LRGUK: variants seen among roughly 807,000 people sequenced by gnomAD.
LRGUK encodes leucine rich repeats and guanylate kinase domain containing.
In LRGUK, 65 loss-of-function variants were observed where a neutral mutation model predicts 76.0. The ratio of observed to expected loss-of-function variants is 0.85; its 90% CI spans 0.70 to 1.05. LRGUK has a LOEUF of 1.05. Among genes scored for constraint, LRGUK ranks in the 50% least tolerant of loss-of-function variants. The pLI, the probability that LRGUK is intolerant of heterozygous loss-of-function variation, is 0.00. For missense variants in LRGUK, 758 were observed against 732.8 expected, an observed-to-expected ratio of 1.03 and a Z score of -0.40; for synonymous variants, 268 against 265.6, an observed-to-expected ratio of 1.01 and a Z score of -0.09.
chr7:134,190,797 C>T (rs1041903485), intron 11 of LRGUK, among the ~76,000 whole-genome samples: 1 of 97,254 alleles, frequency 1.0e-5, no homozygotes, highest in Non-Finnish European at 2.4e-5. Flanking sequence ...AATGCAGTGG[C>T]GAATAAGACA....
chr7:134,255,732 ATGTC>A (rs1487159796), intron 18 of LRGUK, among the ~76,000 whole-genome samples: 3 of 151,936 alleles, frequency 2.0e-5, no homozygotes, highest in Admixed American at 1.3e-4. Context: ...TTTCAACTCT[ATGTC>A]TGAGGGGTTC....
At chr7:134,155,891 A>G (rs1414335957) in intron 5 of LRGUK, among the ~76,000 whole-genome samples, 1 of 152,174 alleles carries the variant, frequency 6.6e-6, no homozygotes, top group Non-Finnish European at 1.5e-5. Context: ...GCTTAAAAAA[A>G]TTGTTTGTTT....
intron 11 of LRGUK, among the ~76,000 whole-genome samples, chr7:134,187,856 T>G (rs1415762077): frequency 6.6e-6 from 1 of 152,254 alleles, no homozygotes; most frequent in Non-Finnish European, 1.5e-5. Flanking sequence ...CTTAGATCTC[T>G]ATTTTATAGC....
At chr7:134,235,312 C>T (rs537927589) in intron 16 of LRGUK, among the ~76,000 whole-genome samples, 1 of 152,336 alleles carries the variant, frequency 6.6e-6, no homozygotes, top group East Asian at 1.9e-4. Flanking sequence ...GATTGTACCT[C>T]TAACCCACCA....
intron 19 of LRGUK, among the ~76,000 whole-genome samples, chr7:134,262,076 AT>A (rs1195030777): frequency 2.0e-5 from 3 of 152,178 alleles, no homozygotes; most frequent in Non-Finnish European, 4.4e-5. Context: ...ATTTGCTAAG[AT>A]TTAAAGTCAA....
chr7:134,226,802 A>G (rs1475964804), intron 16 of LRGUK, among the ~76,000 whole-genome samples: 2 of 152,222 alleles, frequency 1.3e-5, no homozygotes, highest in African/African-American at 2.4e-5. Flanking sequence ...ATGATTGACT[A>G]CAGAACAAAT....
intron 16 of LRGUK, among the ~76,000 whole-genome samples, chr7:134,225,886 A>G (rs1801729374): frequency 6.6e-6 from 1 of 152,188 alleles, no homozygotes; most frequent in South Asian, 2.1e-4. Context: ...GAGAACACAC[A>G]CTGCCTTTAT....
intron 16 of LRGUK, among the ~76,000 whole-genome samples, chr7:134,232,813 A>G (rs1431012962): frequency 1.3e-5 from 2 of 151,950 alleles, no homozygotes; most frequent in African/African-American, 4.8e-5. Flanking sequence ...CAATTTACTC[A>G]TTTTCTCATT....
chr7:134,153,306 A>T (rs1185418932), intron 5 of LRGUK, among the ~76,000 whole-genome samples: 1 of 152,096 alleles, frequency 6.6e-6, no homozygotes, highest in South Asian at 2.1e-4. Context: ...TAAGATACCA[A>T]TTTTTTTATT....
intron 6 of LRGUK, 89 bp from the exon 7 acceptor site, chr7:134,163,308 T>C: frequency 8.3e-7 from 1 of 1,200,236 alleles, no homozygotes. Context: ...TTTAGAGAGA[T>C]TTGGGTCAGT....
intron 1 of LRGUK, among the ~76,000 whole-genome samples, chr7:134,135,495 T>A (rs1426115867): frequency 6.6e-6 from 1 of 152,210 alleles, no homozygotes; most frequent in Non-Finnish European, 1.5e-5. Context: ...TATACCAACA[T>A]GGCATATTTT....
chr7:134,166,242 G>C (rs544506452), intron 7 of LRGUK, among the ~76,000 whole-genome samples: 11 of 152,094 alleles, frequency 7.2e-5, no homozygotes, highest in Admixed American at 3.3e-4. Flanking sequence ...TTATGTACTT[G>C]GTTTTAGCAA....
At chr7:134,231,896 C>G (rs1046877689) in intron 16 of LRGUK, among the ~76,000 whole-genome samples, 1 of 150,748 alleles carries the variant, frequency 6.6e-6, no homozygotes, top group Non-Finnish European at 1.5e-5. Context: ...CTCTTCCTCC[C>G]TGCTTCCTTC....
intron 5 of LRGUK, among the ~76,000 whole-genome samples, chr7:134,157,668 A>G (rs948681881): frequency 3.3e-5 from 5 of 151,996 alleles, no homozygotes; most frequent in Admixed American, 6.5e-5. Flanking sequence ...GACTACAGGC[A>G]CCCACCACCA....
At chr7:134,259,550 T>C (rs1400736249) in intron 19 of LRGUK, among the ~76,000 whole-genome samples, 2 of 152,152 alleles carry the variant, frequency 1.3e-5, no homozygotes, top group African/African-American at 4.8e-5. Context: ...GAAGACACAA[T>C]AGATACTGTC....
intron 15 of LRGUK, among the ~76,000 whole-genome samples, chr7:134,204,718 G>A (rs1800929227): frequency 6.6e-6 from 1 of 152,160 alleles, no homozygotes. Flanking sequence ...AAGTTCTAAG[G>A]AACATGGTCC....
At chr7:134,153,622 C>A (rs1357866860) in intron 5 of LRGUK, among the ~76,000 whole-genome samples, 3 of 152,168 alleles carry the variant, frequency 2.0e-5, no homozygotes, top group African/African-American at 7.2e-5. Context: ...GGGTCAACAA[C>A]TTGCCCCAGA....
intron 16 of LRGUK, among the ~76,000 whole-genome samples, chr7:134,232,736 A>G (rs1801931640): frequency 6.6e-6 from 1 of 152,184 alleles, no homozygotes; most frequent in Non-Finnish European, 1.5e-5. Context: ...ATCATTTATA[A>G]ATATACAATT....
intron 6 of LRGUK, among the ~76,000 whole-genome samples, chr7:134,162,826 CAAAAAAA>C (rs11445116): frequency 4.9e-5 from 3 of 61,180 alleles, no homozygotes; most frequent in African/African-American, 1.3e-4. Flanking sequence ...GACTCCTTCT[CAAAAAAA>C]AAAAAAAAAA....
Sources: allele counts gnomAD v4.1 joint callset (sites outside exome capture counted in the v4.1 genomes callset), GRCh38; gene constraint gnomAD v4.1.1; transcripts MANE v1.5; gene names NCBI Gene and HGNC (gene_info 2026-07-23, HGNC 2026-07-21).